BARX2: variants seen among roughly 807,000 people sequenced by gnomAD.
BARX2 encodes the protein homeobox protein BarH-like 2.
BARX2 carries 11 observed loss-of-function variants against 25.5 expected under a neutral mutation model. The observed-to-expected ratio is 0.43, with a 90% CI of 0.27 to 0.71. The LOEUF (loss-of-function observed/expected upper bound fraction) is 0.71, where lower values mean the gene tolerates loss of function less well. BARX2 is among the 30% of genes least tolerant of loss of function. BARX2 has a pLI of 0.19. For synonymous variants in BARX2, 137 were observed against 149.5 expected (o/e 0.92, Z 0.61); for missense variants, 360 against 359.9 (o/e 1.00, Z 0.00).
chr11:129,433,406 C>T (rs1297454808), intron 1 of BARX2, among the ~76,000 whole-genome samples: 1 of 152,208 alleles, frequency 6.6e-6, no homozygotes. Context: ...TCATTTAAGA[C>T]ATCAGTCAGA....
intron 1 of BARX2, among the ~76,000 whole-genome samples, chr11:129,407,322 T>G (rs9787757): frequency 0.14 from 21,931 of 152,194 alleles, 1,978 homozygotes; most frequent in East Asian, 0.42. Flanking sequence ...TATTTACTAG[T>G]GATACAAGTT....
chr11:129,413,048 A>T (rs1861905775), intron 1 of BARX2, among the ~76,000 whole-genome samples: 1 of 148,406 alleles, frequency 6.7e-6, no homozygotes, highest in Non-Finnish European at 1.5e-5. Flanking sequence ...GTTTGGAAAA[A>T]GTTTCTAGCT....
intron 1 of BARX2, among the ~76,000 whole-genome samples, chr11:129,431,815 T>C (rs1473098523): frequency 6.6e-6 from 1 of 152,020 alleles, no homozygotes; most frequent in African/African-American, 2.4e-5. Flanking sequence ...TTATGCATCA[T>C]GCTTTTGGTG....
chr11:129,448,679 TA>T (rs749752722), intron 3 of BARX2, among the ~76,000 whole-genome samples: 28 of 152,186 alleles, frequency 1.8e-4, no homozygotes, highest in Non-Finnish European at 2.4e-4. Context: ...GGCTGGAACG[TA>T]AAATAGTGCT....
intron 1 of BARX2, among the ~76,000 whole-genome samples, chr11:129,387,990 G>A (rs1294262421): frequency 6.6e-6 from 1 of 152,048 alleles, no homozygotes; most frequent in Non-Finnish European, 1.5e-5. Context: ...GTTGAGATTG[G>A]AACTTGCATC....
upstream of BARX2, among the ~76,000 whole-genome samples, chr11:129,375,524 C>G (rs1349723846): frequency 6.6e-6 from 1 of 152,134 alleles, no homozygotes; most frequent in Non-Finnish European, 1.5e-5. The surrounding 1 kb of genome is among the most constrained non-coding windows in gnomAD (Gnocchi z 4.0). Context: ...TGGCCGCGGG[C>G]TGGGGCGGTG....
At chr11:129,392,800 G>A (rs769102502) in intron 1 of BARX2, among the ~76,000 whole-genome samples, 18 of 151,918 alleles carry the variant, frequency 1.2e-4, no homozygotes, top group African/African-American at 2.7e-4. Context: ...TAGTAGAGAC[G>A]GGGTCTTGTC....
At chr11:129,441,527 C>G (rs1862258849) in intron 2 of BARX2, among the ~76,000 whole-genome samples, 1 of 152,206 alleles carries the variant, frequency 6.6e-6, no homozygotes. Flanking sequence ...CGGCTCACTG[C>G]AACCTCCGCC....
At chr11:129,420,044 G>A (rs1449050396) in intron 1 of BARX2, among the ~76,000 whole-genome samples, 1 of 152,090 alleles carries the variant, frequency 6.6e-6, no homozygotes, top group East Asian at 1.9e-4. Context: ...GCCTCCCAAA[G>A]TGCTGGGATG....
In BARX2 at chr11:129,436,277, T is replaced by C. The variant is rs539960507; in HGVS notation, c.188-474T>C. 3 of 156,984 alleles carry C rather than the reference T, an allele frequency of 1.9e-5. No homozygotes were observed. The highest frequency in any genetic ancestry group is 7.2e-5 in the African/African-American group (3 of 41,812). The allele number at this position is 156,984 out of a possible 1,614,324, so 9.7% of individuals were successfully genotyped here. ...CATCCTGTCAAGCTCTGAAAAATGC[T>C]ATGCTTCAAGGTACACAGACTTCTC... On this transcript the variant is annotated intron_variant, in intron 1 of 3. Transcript: ENST00000281437. This position sits in a 1 kb window ranked among gnomAD's most constrained non-coding sequence, Gnocchi z 4.5.
intron 1 of BARX2, among the ~76,000 whole-genome samples, chr11:129,412,141 G>A (rs566445724): frequency 6.6e-6 from 1 of 151,974 alleles, no homozygotes; most frequent in East Asian, 1.9e-4. Flanking sequence ...GCATGGTGGC[G>A]GGCGCCTGTA....
At chr11:129,399,724 C>G (rs913713477) in intron 1 of BARX2, among the ~76,000 whole-genome samples, 2 of 152,132 alleles carry the variant, frequency 1.3e-5, no homozygotes, top group African/African-American at 4.8e-5. Context: ...CACTTATACC[C>G]CCTTTTAATT....
At chr11:129,382,139 A>G (rs1222593528) in intron 1 of BARX2, among the ~76,000 whole-genome samples, 1 of 152,176 alleles carries the variant, frequency 6.6e-6, no homozygotes, top group Middle Eastern at 3.2e-3. Flanking sequence ...ATGCAAAGGT[A>G]GGTACGTCAC....
At position 129,451,245 on chromosome 11, in the gene BARX2, C is replaced by A. The variant is rs1408407725; in HGVS notation, c.683C>A (p.Ala228Asp). ...GCTGAAGAGAAGATGAACAGCCAGGCCCAGGGTCAGGAGCAGCTGGAGCCC... is the reference window on the plus strand; with the variant it reads ...GCTGAAGAGAAGATGAACAGCCAGGACCAGGGTCAGGAGCAGCTGGAGCCC... Reference protein sequence around the residue: ...IEAEEKMNSQAQGQEQLEPSQ... With the variant: ...IEAEEKMNSQDQGQEQLEPSQ... Residue 228 changes from alanine (A) to aspartate (D), a missense_variant, in exon 4 of 4, where the codon GCC (alanine) becomes GAC (aspartate). Physicochemically the swap from Ala to Asp is moderately radical, Grantham distance 126. This residue lies in a region of BARX2 where 114 missense variants were observed against 109.4 expected (regional missense o/e 1.04). Transcript: ENST00000281437. 5.0e-6 allele frequency: 8 copies of A among 1,614,044 alleles called. No individual in the cohort carries two copies. Among genetic ancestry groups the A allele is most frequent in the Admixed American group, 1.7e-5 (1 of 60,008 alleles).
At chr11:129,412,315 A>G (rs1395797300) in intron 1 of BARX2, among the ~76,000 whole-genome samples, 1 of 152,092 alleles carries the variant, frequency 6.6e-6, no homozygotes, top group Non-Finnish European at 1.5e-5. Context: ...TATAAAATAT[A>G]GGTAGATGAT....
In BARX2 at chr11:129,439,130, A is replaced by G. The variant is rs143050527; in HGVS notation, c.488+2079A>G. Reference sequence around the variant, plus strand: ...GACATGATCAGACTTACATTTTAGAACTGTCTCTCTGGTGGCACCATAAAT... The same window carrying G: ...GACATGATCAGACTTACATTTTAGAGCTGTCTCTCTGGTGGCACCATAAAT... On this transcript the variant is annotated intron_variant, in intron 2 of 3. Transcript: ENST00000281437. Among the ~76,000 whole-genome samples the G allele has an allele frequency of 5.8e-3, 884 of 152,142 alleles. 5 individuals carry two copies. Among genetic ancestry groups the G allele is most frequent in the Middle Eastern group, 0.01 (3 of 294 alleles).
intron 1 of BARX2, among the ~76,000 whole-genome samples, chr11:129,412,284 C>A (rs1362130999): frequency 2.5e-4 from 37 of 148,424 alleles, no homozygotes; most frequent in Non-Finnish European, 3.9e-4. Context: ...AAAAAAAAAA[C>A]AAACAAAAAA....
At chr11:129,442,715 G>A (rs755624340) in intron 2 of BARX2, 120 bp from the exon 3 acceptor site, 2 of 854,936 alleles carry the variant, frequency 2.3e-6, no homozygotes, top group Non-Finnish European at 4.0e-6. Flanking sequence ...CTCGTTTAAT[G>A]GGGGAGGTCC....
intron 1 of BARX2, among the ~76,000 whole-genome samples, chr11:129,394,008 A>T (rs1037434853): frequency 3.9e-5 from 6 of 151,998 alleles, no homozygotes; most frequent in Non-Finnish European, 7.4e-5. Flanking sequence ...CCCCTCCCTG[A>T]TGCTGTCTGC....
Sources: allele counts gnomAD v4.1 joint callset (sites outside exome capture counted in the v4.1 genomes callset), GRCh38; gene constraint gnomAD v4.1.1; regional missense constraint gnomAD v4.1.1; non-coding constraint Gnocchi (gnomAD v3.1); transcripts MANE v1.5; gene names NCBI Gene and HGNC (gene_info 2026-07-23, HGNC 2026-07-21).